SH3KBP1: variants seen among roughly 807,000 people sequenced by gnomAD.
The protein encoded by SH3KBP1 is SH3 domain containing kinase binding protein 1.
A neutral mutation model predicts 50.1 loss-of-function variants in SH3KBP1; 8 were observed. The ratio of observed to expected loss-of-function variants is 0.16; its 90% CI spans 0.09 to 0.29. SH3KBP1 has a LOEUF of 0.29. Among genes scored for constraint, SH3KBP1 ranks in the 10% least tolerant of loss-of-function variants. The probability of loss-of-function intolerance (pLI) is 1.00; values close to 1 mark genes in which losing one functional copy is unlikely to be tolerated. For missense variants in SH3KBP1, 377 were observed against 535.2 expected (o/e 0.70, Z 2.92); for synonymous variants, 227 against 218.6 (o/e 1.04, Z -0.34).
intron 2 of SH3KBP1, among the ~76,000 whole-genome samples, chrX:19,764,014 C>CAA (rs761696272): frequency 2.1e-4 from 8 of 37,460 alleles, no homozygotes; most frequent in Middle Eastern, 0.017. Flanking sequence ...GACTCTGTCT[C>CAA]AAAAAAAAAA....
intron 8 of SH3KBP1, among the ~76,000 whole-genome samples, 186 bp from the exon 9 acceptor site, chrX:19,608,231 C>T (rs192233938): frequency 1.0e-3 from 116 of 111,113 alleles, no homozygotes; most frequent in Non-Finnish European, 1.6e-3. Context: ...TTAACAATGT[C>T]GGCTGGTACT....
At chrX:19,695,150 A>C in intron 5 of SH3KBP1, 3 of 669,004 alleles carry the variant, frequency 4.5e-6, no homozygotes, top group Non-Finnish European at 7.0e-6. Flanking sequence ...GTCTTGACCT[A>C]CTTTTAAGGG....
At chrX:19,744,807 G>A (rs746672000) in intron 3 of SH3KBP1, among the ~76,000 whole-genome samples, 9 of 112,130 alleles carry the variant, frequency 8.0e-5, no homozygotes, top group Middle Eastern at 4.6e-3. Context: ...CTATTCCTTC[G>A]TTGATTTAAA....
chrX:19,602,225 C>T (rs1343179261), intron 9 of SH3KBP1, among the ~76,000 whole-genome samples: 3 of 110,849 alleles, frequency 2.7e-5, no homozygotes, highest in African/African-American at 9.9e-5. Flanking sequence ...CTCTTTTGTA[C>T]AAGAGAAAGC....
intron 6 of SH3KBP1, among the ~76,000 whole-genome samples, chrX:19,661,628 T>G (rs1243836710): frequency 1.2e-4 from 11 of 92,659 alleles, no homozygotes; most frequent in South Asian, 5.8e-4. Flanking sequence ...ATAAAGGTTG[T>G]TTTTTTTTTT....
At chrX:19,647,391 G>A (rs1295791643) in intron 6 of SH3KBP1, among the ~76,000 whole-genome samples, 2 of 111,676 alleles carry the variant, frequency 1.8e-5, no homozygotes, top group African/African-American at 3.3e-5. Context: ...ACAGAAGAAA[G>A]TATTGCCCAT....
At chrX:19,607,906 A>G (rs374630803) in intron 9 of SH3KBP1, 32 bp downstream of exon 9, 3 of 1,148,051 alleles carry the variant, frequency 2.6e-6, no homozygotes, top group Non-Finnish European at 3.6e-6. Flanking sequence ...GGGAGCCACA[A>G]CTCCGCTGAA....
intron 4 of SH3KBP1, among the ~76,000 whole-genome samples, chrX:19,698,980 A>G (rs1603043532): frequency 8.9e-6 from 1 of 112,221 alleles, no homozygotes; most frequent in Non-Finnish European, 1.9e-5. Context: ...TCCCCCACAG[A>G]AAAAGGTTTC....
intron 12 of SH3KBP1, among the ~76,000 whole-genome samples, chrX:19,582,246 C>T (rs1024901365): frequency 5.4e-5 from 6 of 112,056 alleles, no homozygotes; most frequent in East Asian, 2.8e-4. Context: ...CTGCTCTGCC[C>T]GACAGAGGAT....
At chrX:19,874,237 G>T (rs1292328037) in intron 1 of SH3KBP1, among the ~76,000 whole-genome samples, 1 of 99,592 alleles carries the variant, frequency 1.0e-5, no homozygotes, top group Non-Finnish European at 2.0e-5. Context: ...AGCAATACTG[G>T]GTTTGAAGGA....
At chrX:19,715,617 T>C (rs1338084427) in intron 3 of SH3KBP1, among the ~76,000 whole-genome samples, 2 of 111,809 alleles carry the variant, frequency 1.8e-5, no homozygotes, top group Non-Finnish European at 3.8e-5. Flanking sequence ...GTCAGATCTG[T>C]TGCCCAAAGA....
chrX:19,573,724 G>T (rs1389891109), intron 12 of SH3KBP1, among the ~76,000 whole-genome samples: 1 of 111,374 alleles, frequency 9.0e-6, no homozygotes, highest in Non-Finnish European at 1.9e-5. Context: ...TCTCCTTTAA[G>T]AACCACCCAG....
chrX:19,771,109 G>A (rs1301549598), intron 2 of SH3KBP1, among the ~76,000 whole-genome samples: 1 of 111,661 alleles, frequency 9.0e-6, no homozygotes, highest in East Asian at 2.8e-4. Context: ...GCACACTTTG[G>A]TGAAGACCAG....
chrX:19,859,677 AC>A (rs1157327672), intron 1 of SH3KBP1, among the ~76,000 whole-genome samples: 1 of 111,180 alleles, frequency 9.0e-6, no homozygotes, highest in African/African-American at 3.3e-5. Flanking sequence ...CCATTCTCCT[AC>A]TGGTTCCTAG....
rs1332096886 is a variant in SH3KBP1, at chrX:19,569,333, G to A, written c.1299-145C>T. On this transcript the variant is annotated intron_variant, in intron 12 of 17. Coordinates refer to ENST00000397821, the MANE Select transcript of SH3KBP1 (RefSeq NM_031892.3). Reference sequence around the variant, plus strand: ...TGTGAGGGAGCCAGAGAACCAACGAGCTGTCTAGCCACATGAGATGGGGTG... The same window carrying A: ...TGTGAGGGAGCCAGAGAACCAACGAACTGTCTAGCCACATGAGATGGGGTG... The A allele has an allele frequency of 5.7e-6, 3 of 523,755 alleles. No individual in the cohort carries two copies. The Admixed American group carries it at 7.8e-5, about 14-fold the overall frequency. The allele number at this position is 523,755 out of a possible 1,213,427, so 43.2% of individuals were successfully genotyped here.
At chrX:19,827,594 G>A (rs1747697970) in intron 2 of SH3KBP1, among the ~76,000 whole-genome samples, 1 of 110,633 alleles carries the variant, frequency 9.0e-6, no homozygotes, top group African/African-American at 3.3e-5. Flanking sequence ...AGAAAAGGCT[G>A]CTTATACATG....
chrX:19,641,735 C>T (rs762125761), intron 7 of SH3KBP1, among the ~76,000 whole-genome samples: 81 of 112,130 alleles, frequency 7.2e-4, no homozygotes, highest in Non-Finnish European at 1.1e-3. Context: ...AACATACTTT[C>T]GAAAGATGTT....
chrX:19,659,820 C>G (rs1203077870), intron 6 of SH3KBP1, among the ~76,000 whole-genome samples: 1 of 112,519 alleles, frequency 8.9e-6, no homozygotes, highest in African/African-American at 3.2e-5. Context: ...CTTTGAATCT[C>G]TAAAACAGCA....
intron 2 of SH3KBP1, among the ~76,000 whole-genome samples, chrX:19,805,523 AT>A (rs1362891099): frequency 3.1e-4 from 30 of 97,669 alleles, no homozygotes; most frequent in Non-Finnish European, 5.9e-4. Flanking sequence ...ATGGCTGCAT[AT>A]TAAAAAAAAA....
Sources: gnomAD v4.1 joint callset for allele counts (sites outside exome capture counted in the v4.1 genomes callset) on GRCh38, gnomAD v4.1.1 for gene constraint, MANE v1.5 for transcripts, NCBI Gene and HGNC (gene_info 2026-07-23, HGNC 2026-07-21) for gene names.